Variants in SARDH observed in about 807,000 individuals in gnomAD.
SARDH encodes sarcosine dehydrogenase.
Under a neutral mutation model 109.1 loss-of-function variants are expected in SARDH, and 95 were observed. The observed-to-expected ratio is 0.87, with a 90% CI of 0.74 to 1.03. The LOEUF (loss-of-function observed/expected upper bound fraction) is 1.03. Ranked by LOEUF, SARDH falls within the 50% of genes least tolerant of loss-of-function variation. SARDH has a pLI of 0.00. For missense variants in SARDH, 1,267 were observed against 1,287.8 expected (o/e 0.98, Z 0.25); for synonymous variants, 572 against 534.8 (o/e 1.07, Z -0.96).
In SARDH at chr9:133,718,719, G is replaced by C; in HGVS notation, c.1020+219C>G. 1 of 779,784 alleles carries C rather than the reference G, an allele frequency of 1.3e-6. No homozygotes were observed. Among genetic ancestry groups the C allele is most frequent in the Non-Finnish European group, 2.4e-6 (1 of 418,122 alleles). The allele number at this position is 779,784 out of a possible 1,614,324, so 48.3% of individuals were successfully genotyped here. A position where few individuals can be genotyped will look rare whatever the true frequency, so the allele number is the denominator to read the frequency against. On this transcript the variant is annotated intron_variant, in intron 7 of 20. Coordinates refer to ENST00000439388, the MANE Select transcript of SARDH (RefSeq NM_001134707.2). The surrounding 1 kb of genome is among the most constrained non-coding windows in gnomAD (Gnocchi z 4.2). ...AGACCTTCTCTGTGGATGTTTTGAG[G>C]CAAAGCCCTCCAGCTGCCCTGGGTC...
At chr9:133,685,111 C>G (rs896534279) in intron 17 of SARDH, 82 bp downstream of exon 17, 4 of 1,221,980 alleles carry the variant, frequency 3.3e-6, no homozygotes, top group Non-Finnish European at 4.6e-6. Context: ...GCCCGAGAGC[C>G]CCCAGCCCCC....
Position 133,663,992 on chromosome 9 carries a change from C to T in SARDH, c.2654G>A (p.Ser885Asn). 6.2e-7 allele frequency: 1 copy of T among 1,614,160 alleles called. No individual in the cohort carries two copies. The highest frequency in any genetic ancestry group is 8.5e-7 in the Non-Finnish European group (1 of 1,180,002). ...GGPVSLDFVK[S>N]GDYALERMGV... ...CATTCTCTCCAGGGCATAGTCCCCG[C>T]TCTTCACAAAGTCCAGCGAGACCTA... The change falls in exon 21 of 21, where the codon AGC becomes AAC. Residue 885 changes from serine (S) to asparagine (N), a missense_variant. Transcript: ENST00000439388.
rs1306140900 is a variant in SARDH at position 133,734,277 on chromosome 9, AAGGGCCCTATGGTGTTACCTCCC to A, written c.-30-97_-30-75del. On this transcript the variant is annotated intron_variant, in intron 1 of 20. Transcript: ENST00000439388. ...GGCTGTGCTGAGTACCCAGGGAAAT[AAGGGCCCTATGGTGTTACCTCCC>A]AGGGCCTTCCTCTTGCCACTTCCCC... is the stretch of plus-strand genomic sequence containing the variant. The A allele has an allele frequency of 4.1e-5, 44 of 1,067,466 alleles. No individual in the cohort carries two copies. The African/African-American group carries it at 6.3e-4, about 15-fold the overall frequency. The allele number at this position is 1,067,466 out of a possible 1,614,324, so 66.1% of individuals were successfully genotyped here.
rs138303558 is a variant in SARDH, at chr9:133,705,763, G to A, written c.1471-732C>T. On this transcript the variant is annotated intron_variant, in intron 11 of 20. Transcript: ENST00000439388. The stretch of plus-strand genomic sequence containing the variant: ...CGGAATCACATCCCCACATAAATTC[G>A]TATGTCAAAGCCCTGACCCTGACGT... 7.8e-4 allele frequency among the ~76,000 whole-genome samples: 119 copies of A among 152,262 alleles called. 2 individuals are homozygous for A. The highest frequency in any genetic ancestry group is 3.4e-3 in the Middle Eastern group (1 of 294).
chr9:133,687,189 C>T (rs560526358), intron 16 of SARDH, among the ~76,000 whole-genome samples: 2 of 152,244 alleles, frequency 1.3e-5, no homozygotes, highest in African/African-American at 2.4e-5. Flanking sequence ...GCCCCTGGTG[C>T]TAACCATGAC....
chr9:133,675,028 A>C (rs1276073929), intron 17 of SARDH, among the ~76,000 whole-genome samples: 1 of 152,130 alleles, frequency 6.6e-6, no homozygotes, highest in Non-Finnish European at 1.5e-5. Flanking sequence ...TTAACAATAA[A>C]AAGTCAAATA....
At chr9:133,661,342 A>G (rs1471865760), downstream of SARDH, among the ~76,000 whole-genome samples, 2 of 150,326 alleles carry the variant, frequency 1.3e-5, no homozygotes, top group Non-Finnish European at 3.0e-5. Context: ...CCTGTCTCAA[A>G]AAAAAAACAA....
Position 133,686,138 on chromosome 9 carries a change from G to C in SARDH, c.2070-852C>G, listed in dbSNP as rs1424554048. Among the ~76,000 whole-genome samples, 1 of 152,174 alleles carries C rather than the reference G, an allele frequency of 6.6e-6. No individual in the cohort carries two copies. The highest frequency in any genetic ancestry group is 1.5e-5 in the Non-Finnish European group (1 of 68,016). On this transcript the variant is annotated intron_variant, in intron 16 of 20. Transcript: ENST00000439388. This position sits in a 1 kb window ranked among gnomAD's most constrained non-coding sequence, Gnocchi z 4.0. ...CAGTCCATACTGGACAGTTTGCACA[G>C]ACTTGCTGGGTCCACCCCTGCTTTT...
At chr9:133,690,257 A>AT in intron 16 of SARDH, 123 bp downstream of exon 16, 1 of 1,078,344 alleles carries the variant, frequency 9.3e-7, no homozygotes, top group Non-Finnish European at 1.3e-6. Flanking sequence ...TCTCTGGTTT[A>AT]CCAGAGCGCT....
At chr9:133,687,465 G>C (rs1434840940) in intron 16 of SARDH, among the ~76,000 whole-genome samples, 1 of 152,054 alleles carries the variant, frequency 6.6e-6, no homozygotes, top group South Asian at 2.1e-4. Context: ...TGTTTTTTTA[G>C]AGATAGGATC....
chr9:133,677,028 AC>A, intron 17 of SARDH, among the ~76,000 whole-genome samples: 1 of 152,174 alleles, frequency 6.6e-6, no homozygotes, highest in African/African-American at 2.4e-5. Flanking sequence ...AGTCCCAGCT[AC>A]TTGGGAGGCT....
At chr9:133,725,018 A>G (rs1330592654) in intron 6 of SARDH, among the ~76,000 whole-genome samples, 1 of 152,248 alleles carries the variant, frequency 6.6e-6, no homozygotes, top group Non-Finnish European at 1.5e-5. Flanking sequence ...GTGAACGGAT[A>G]AAGTGCATTG....
chr9:133,672,924 G>C (rs1034896993), intron 17 of SARDH, among the ~76,000 whole-genome samples: 2 of 152,234 alleles, frequency 1.3e-5, no homozygotes, highest in African/African-American at 4.8e-5. Context: ...TGAAAGACAC[G>C]ATGGCTCAAG....
rs575357875 is a variant in SARDH at position 133,692,201 on chromosome 9, T to C, written c.1922-1674A>G. Among the ~76,000 whole-genome samples the C allele has an allele frequency of 6.6e-6, 1 of 152,052 alleles. No homozygotes were observed. Among genetic ancestry groups the C allele is most frequent in the African/African-American group, 2.4e-5 (1 of 41,494 alleles). On this transcript the variant is annotated intron_variant, in intron 15 of 20. Coordinates refer to ENST00000439388, the MANE Select transcript of SARDH (RefSeq NM_001134707.2). The surrounding 1 kb of genome is among the most constrained non-coding windows in gnomAD (Gnocchi z 5.0). ...CGTCTTCCTCACTCCATTCCACCAA[T>C]GGGGGAAACTGAGGCTCGGGGGGGC...
intron 16 of SARDH, among the ~76,000 whole-genome samples, chr9:133,687,222 C>A (rs2131373384): frequency 6.6e-6 from 1 of 152,318 alleles, no homozygotes; most frequent in African/African-American, 2.4e-5. Flanking sequence ...CAGTTCTGGG[C>A]TGCACGACAC....
At chr9:133,673,604 T>A (rs1289310106) in intron 17 of SARDH, among the ~76,000 whole-genome samples, 2 of 152,112 alleles carry the variant, frequency 1.3e-5, no homozygotes, top group African/African-American at 2.4e-5. Context: ...TTGCTCTAAG[T>A]TGCCATTTGC....
chr9:133,669,256 T>C (rs1588374949), intron 19 of SARDH, among the ~76,000 whole-genome samples: 1 of 472 alleles, frequency 2.1e-3, no homozygotes. Context: ...CCCTCTCCCC[T>C]CACCCTCCCT....
At chr9:133,714,553 C>T (rs1041375161) in intron 8 of SARDH, among the ~76,000 whole-genome samples, 5 of 152,090 alleles carry the variant, frequency 3.3e-5, no homozygotes, top group African/African-American at 7.2e-5. Flanking sequence ...CCAAGGCAGG[C>T]GGATGTCTGG....
At chr9:133,736,489 G>A (rs1385769222) in intron 1 of SARDH, among the ~76,000 whole-genome samples, 1 of 152,114 alleles carries the variant, frequency 6.6e-6, no homozygotes, top group Non-Finnish European at 1.5e-5. Flanking sequence ...TCTGCCTCCT[G>A]GGTTCAAGCG....
Sources: gnomAD v4.1 joint callset for allele counts (sites outside exome capture counted in the v4.1 genomes callset) on GRCh38, gnomAD v4.1.1 for gene constraint, Gnocchi (gnomAD v3.1) non-coding constraint, MANE v1.5 for transcripts, NCBI Gene and HGNC (gene_info 2026-07-23, HGNC 2026-07-21) for gene names.